The following SMCHD1 variants were observed in gnomAD, a reference collection of about 807,000 sequenced individuals.
SMCHD1 encodes structural maintenance of chromosomes flexible hinge domain-containing protein 1.
A neutral mutation model predicts 254.7 loss-of-function variants in SMCHD1; 78 were observed. That is an observed-to-expected ratio of 0.31 (90% CI 0.26 to 0.37). The LOEUF is 0.37. SMCHD1 is among the 10% of genes least tolerant of loss of function. The probability of loss-of-function intolerance (pLI) is 1.00; values close to 1 mark genes in which losing one functional copy is unlikely to be tolerated. For missense variants in SMCHD1, 1,840 were observed against 2,408.1 expected (o/e 0.76, Z 4.94); for synonymous variants, 766 against 794.9 (o/e 0.96, Z 0.61).
chr18:2,723,684 T>A (rs1340483828), intron 20 of SMCHD1, among the ~76,000 whole-genome samples: 2 of 152,196 alleles, frequency 1.3e-5, no homozygotes, highest in East Asian at 3.9e-4. Context: ...ATTCTCATCC[T>A]CAGCTTATCT....
intron 5 of SMCHD1, among the ~76,000 whole-genome samples, chr18:2,686,764 A>T (rs758057908): frequency 6.6e-6 from 1 of 151,396 alleles, no homozygotes; most frequent in Non-Finnish European, 1.5e-5. Flanking sequence ...TTGTGAGGGG[A>T]TACTTTTTTG....
chr18:2,778,856 G>C (rs1447806694), intron 44 of SMCHD1: 2 of 152,360 alleles, frequency 1.3e-5, no homozygotes, highest in Middle Eastern at 3.4e-3. Flanking sequence ...ATATTAACTT[G>C]ATTATCTCAG....
chr18:2,697,257 T>C (rs2074304276), intron 9 of SMCHD1, 135 bp downstream of exon 9: 2 of 509,180 alleles, frequency 3.9e-6, no homozygotes, highest in Non-Finnish European at 7.1e-6. Context: ...CTACTTTCAT[T>C]GTTTGATATC....
Position 2,775,887 on chromosome 18 carries a change from G to A in SMCHD1, c.5329G>A (p.Asp1777Asn). The stretch of plus-strand genomic sequence containing the variant: ...AGGTCGTCAGCAGGTGTTGCCCCTT[G>A]ATTCTATTTACAAGAAGACTCTTCC... ...TQGRQQVLPL[D>N]SIYKKTLPDW... The change falls in exon 42 of 48, where the codon GAT (aspartate) becomes AAT (asparagine). Residue 1777 changes from aspartate to asparagine, a missense_variant. Asp to Asn is a conservative substitution (Grantham distance 23). This residue lies in a region of SMCHD1 where 114 missense variants were observed against 217.6 expected (regional missense o/e 0.52). Transcript: ENST00000320876. 1.2e-6 allele frequency: 2 copies of A among 1,604,852 alleles called. No individual in the cohort carries two copies. The highest frequency in any genetic ancestry group is 1.7e-6 in the Non-Finnish European group (2 of 1,176,842).
At chr18:2,788,918 A>G (rs1391633685) in intron 45 of SMCHD1, among the ~76,000 whole-genome samples, 2 of 152,178 alleles carry the variant, frequency 1.3e-5, no homozygotes, top group East Asian at 1.9e-4. Context: ...CTTTTAATGT[A>G]TAATTGATCT....
chr18:2,710,328 C>G (rs941700770), intron 17 of SMCHD1, among the ~76,000 whole-genome samples: 17 of 152,244 alleles, frequency 1.1e-4, no homozygotes, highest in African/African-American at 3.6e-4. Context: ...GGTGTGAGTC[C>G]TCCAACTTTA....
intron 37 of SMCHD1, among the ~76,000 whole-genome samples, chr18:2,768,713 A>G (rs2075921680): frequency 9.1e-6 from 1 of 109,470 alleles, no homozygotes; most frequent in African/African-American, 2.9e-5. Context: ...ATACTATACT[A>G]TACATAAATT....
At position 2,767,558 on chromosome 18, in the gene SMCHD1, C is replaced by G. The variant is rs1175688128; in HGVS notation, c.4720-2136C>G. On this transcript the variant is annotated intron_variant, in intron 37 of 47. Coordinates refer to ENST00000320876, the MANE Select transcript of SMCHD1 (RefSeq NM_015295.3). Reference sequence around the variant, plus strand: ...CTAGGTGATATAGCCTACTATACACCTGGGCTATATATCACAACCTATTTC... The same window carrying G: ...CTAGGTGATATAGCCTACTATACACGTGGGCTATATATCACAACCTATTTC... 3.4e-5 allele frequency among the ~76,000 whole-genome samples: 5 copies of G among 146,958 alleles called. No individual in the cohort carries two copies. The East Asian group carries it at 9.8e-4, about 29-fold the overall frequency.
chr18:2,749,984 AGAACTT>A lies in SMCHD1; in HGVS notation c.3928-56_3928-51del, dbSNP rs1422478242. ...GGAAAGAACATTGTAATGGAAGAAA[AGAACTT>A]GATTGATCTCTAGAATTTTCTAATT... On this transcript the variant is annotated intron_variant, in intron 30 of 47. Transcript: ENST00000320876. 14 of 1,405,138 alleles carry A rather than the reference AGAACTT, an allele frequency of 1.0e-5. No individual in the cohort carries two copies. The Admixed American group carries it at 1.4e-4, about 14-fold the overall frequency. The allele number at this position is 1,405,138 out of a possible 1,614,324, so 87.0% of individuals were successfully genotyped here.
At chr18:2,707,256 G>T in intron 15 of SMCHD1, among the ~76,000 whole-genome samples, 1 of 151,746 alleles carries the variant, frequency 6.6e-6, no homozygotes. Flanking sequence ...TGATTCTTAG[G>T]GGTTATCCTG....
At chr18:2,760,426 T>C in intron 34 of SMCHD1, 1 of 331,976 alleles carries the variant, frequency 3.0e-6, no homozygotes, top group Non-Finnish European at 5.6e-6. Context: ...ATTTTTACCA[T>C]ATCCAGCACG....
intron 1 of SMCHD1, among the ~76,000 whole-genome samples, chr18:2,662,014 C>CCGGGCGCGGTGG (rs1172668292): frequency 7.6e-4 from 106 of 138,906 alleles, no homozygotes; most frequent in Middle Eastern, 3.5e-3. Flanking sequence ...AAAAAATTAG[C>CCGGGCGCGGTGG]CGGGCGCGGT....
intron 28 of SMCHD1, among the ~76,000 whole-genome samples, 187 bp from the exon 29 acceptor site, chr18:2,743,574 T>A (rs1200660335): frequency 6.6e-6 from 1 of 152,102 alleles, no homozygotes; most frequent in Non-Finnish European, 1.5e-5. Flanking sequence ...AAAGAAAAAA[T>A]TCAGTTTCTC....
chr18:2,729,906 G>A (rs988496424), intron 24 of SMCHD1, among the ~76,000 whole-genome samples: 1 of 151,848 alleles, frequency 6.6e-6, no homozygotes, highest in Non-Finnish European at 1.5e-5. Context: ...GAAAAAGAGG[G>A]TCTTGCTGTG....
Position 2,668,807 on chromosome 18 carries a change from T to C in SMCHD1, c.424+1776T>C, listed in dbSNP as rs374399227. Among the ~76,000 whole-genome samples the C allele has an allele frequency of 1.3e-3, 199 of 152,336 alleles. 1 individual carries two copies. The highest frequency in any genetic ancestry group is 4.7e-3 in the African/African-American group (195 of 41,586). ...ACAGCTAAATCCAGTGATAAATTTT[T>C]AATTTTCAGTTCTAATTTTTCTTGA... On this transcript the variant is annotated intron_variant, in intron 3 of 47. Transcript: ENST00000320876.
At chr18:2,780,095 C>G (rs2076129254) in intron 44 of SMCHD1, among the ~76,000 whole-genome samples, 1 of 151,616 alleles carries the variant, frequency 6.6e-6, no homozygotes. Flanking sequence ...AAAAATTAGC[C>G]AGGCGTGGTG....
chr18:2,749,985 G>C, intron 30 of SMCHD1, 58 bp from the exon 31 acceptor site: 1 of 1,410,044 alleles, frequency 7.1e-7, no homozygotes, highest in Non-Finnish European at 9.7e-7. Context: ...TGGAAGAAAA[G>C]AACTTGATTG....
intron 39 of SMCHD1, among the ~76,000 whole-genome samples, chr18:2,770,912 A>G (rs545761758): frequency 7.0e-4 from 107 of 152,276 alleles, no homozygotes; most frequent in African/African-American, 2.2e-3. Flanking sequence ...GTTAGCCACC[A>G]CACCCAGCCT....
chr18:2,752,396 A>G, intron 33 of SMCHD1, 92 bp from the exon 34 acceptor site: 1 of 762,972 alleles, frequency 1.3e-6, no homozygotes. Context: ...ATACACATTC[A>G]GTTTAGGTAT....
Sources: gnomAD v4.1 joint callset for allele counts (sites outside exome capture counted in the v4.1 genomes callset) on GRCh38, gnomAD v4.1.1 for gene constraint, gnomAD v4.1.1 regional missense constraint, MANE v1.5 for transcripts, NCBI Gene and HGNC (gene_info 2026-07-23, HGNC 2026-07-21) for gene names.